FAXDC2: variants seen among roughly 807,000 people sequenced by gnomAD.
FAXDC2 encodes the protein fatty acid hydroxylase domain containing 2.
Under a neutral mutation model 40.9 loss-of-function variants are expected in FAXDC2, and 41 were observed. That is an observed-to-expected ratio of 1.00 (90% CI 0.78 to 1.30). The LOEUF (loss-of-function observed/expected upper bound fraction) is 1.30, where lower values mean the gene tolerates loss of function less well. Ranked by LOEUF, FAXDC2 falls within the 50% of genes most tolerant of loss-of-function variation. The pLI is 0.00. For missense variants in FAXDC2, 390 were observed against 408.8 expected (o/e 0.95, Z 0.40); for synonymous variants, 157 against 149.3 (o/e 1.05, Z -0.38).
At position 154,838,080 on chromosome 5, in the gene FAXDC2, G is replaced by A. The variant is rs1443384834; in HGVS notation, c.48+51C>T. The A allele has an allele frequency of 2.4e-6, 3 of 1,241,512 alleles. No homozygotes were observed. In the Admixed American group the frequency reaches 5.2e-5, roughly 22 times the overall value. 76.9% of individuals were successfully genotyped at this position (1,241,512 alleles called of 1,614,324 possible). On this transcript the variant is annotated intron_variant, in intron 2 of 8. Coordinates refer to ENST00000326080, the MANE Select transcript of FAXDC2 (RefSeq NM_032385.5). Reference sequence around the variant, plus strand: ...GCATAGCAAGTGCAGCTATGGCAAAGAGCCACTGACTACATTCTCACCAGT... The same window carrying A: ...GCATAGCAAGTGCAGCTATGGCAAAAAGCCACTGACTACATTCTCACCAGT...
At chr5:154,831,382 C>T (rs1467339340) in intron 4 of FAXDC2, 2 of 154,380 alleles carry the variant, frequency 1.3e-5, no homozygotes, top group Non-Finnish European at 2.9e-5. Flanking sequence ...ACTAACTGAG[C>T]AGCAGAACTT....
rs1277730015 is a variant in FAXDC2, at chr5:154,819,377, G to A, written c.*939C>T. The A allele has an allele frequency of 6.6e-6, 1 of 152,068 alleles. No individual in the cohort carries two copies. The highest frequency in any genetic ancestry group is 1.5e-5 in the Non-Finnish European group (1 of 68,008). 9.4% of individuals were successfully genotyped at this position (152,068 alleles called of 1,614,324 possible). A position where few individuals can be genotyped will look rare whatever the true frequency, so the allele number is the denominator to read the frequency against. ...GCTGAGAAACTGGTAAAGCATTCGG[G>A]GGAGAAAGGATTTTGCTCTTTGCTC... On this transcript the variant is annotated 3_prime_UTR_variant, in exon 9 of 9. Coordinates refer to ENST00000326080, the MANE Select transcript of FAXDC2 (RefSeq NM_032385.5).
At chr5:154,844,456 T>G (rs1381291630) in intron 1 of FAXDC2, among the ~76,000 whole-genome samples, 1 of 151,812 alleles carries the variant, frequency 6.6e-6, no homozygotes, top group Non-Finnish European at 1.5e-5. Flanking sequence ...CAGAAATAAG[T>G]GCACAGAAGT....
Position 154,821,401 on chromosome 5 carries a change from A to G in FAXDC2, c.704T>C (p.Val235Ala), listed in dbSNP as rs564950368. Residue 235 changes from valine (V) to alanine (A), a missense_variant, in exon 8 of 9, where the codon GTG becomes GCG. By Grantham distance (64) the Val-to-Ala change is moderately conservative. Coordinates refer to ENST00000326080, the MANE Select transcript of FAXDC2 (RefSeq NM_032385.5). Reference protein sequence around the residue: ...HAVSNMLPVIVGPLVMGSHLS... With the variant: ...HAVSNMLPVIAGPLVMGSHLS... ...GTGGGAGCCCATTACTAATGGGCCCACTATCACCGGTAGCATGTTGGAGAC... is the reference window on the plus strand; with the variant it reads ...GTGGGAGCCCATTACTAATGGGCCCGCTATCACCGGTAGCATGTTGGAGAC... 6.2e-7 allele frequency: 1 copy of G among 1,612,410 alleles called. No homozygotes were observed. Among genetic ancestry groups the G allele is most frequent in the African/African-American group, 1.3e-5 (1 of 74,908 alleles).
chr5:154,822,406 G>A, intron 7 of FAXDC2, 66 bp downstream of exon 7: 2 of 1,096,020 alleles, frequency 1.8e-6, no homozygotes, highest in South Asian at 1.3e-5. Context: ...TTCTCTGCAG[G>A]AGACCTTCAG....
intron 7 of FAXDC2, 49 bp downstream of exon 7, chr5:154,822,423 G>A (rs745533358): frequency 2.3e-5 from 31 of 1,337,738 alleles, no homozygotes; most frequent in Non-Finnish European, 1.1e-6. Context: ...TCAGGAAGGT[G>A]GTTGGGGCCA....
At chr5:154,835,883 C>CTTTTTTTTTTTTTTTTTTTTTTTT (rs869068025) in intron 2 of FAXDC2, among the ~76,000 whole-genome samples, 3 of 47,868 alleles carry the variant, frequency 6.3e-5, no homozygotes, top group African/African-American at 8.4e-5. Context: ...GCCCGGCCGA[C>CTTTTTTTTTTTTTTTTTTTTTTTT]TTTTTTTTTT....
At chr5:154,821,181 C>T (rs1300392178) in intron 8 of FAXDC2, 79 bp downstream of exon 8, 1 of 1,184,300 alleles carries the variant, frequency 8.4e-7, no homozygotes, top group Non-Finnish European at 1.2e-6. Flanking sequence ...ACTGAGATAC[C>T]AGTGCCTGCT....
At chr5:154,821,505 G>T in intron 7 of FAXDC2, 79 bp from the exon 8 acceptor site, 7 of 1,171,824 alleles carry the variant, frequency 6.0e-6, no homozygotes, top group Non-Finnish European at 8.2e-6. Flanking sequence ...GTCCCAAGGT[G>T]GTACCAGAGG....
chr5:154,841,903 T>G (rs1169359528), intron 1 of FAXDC2, among the ~76,000 whole-genome samples: 2 of 151,970 alleles, frequency 1.3e-5, no homozygotes, highest in African/African-American at 4.8e-5. Context: ...GCACAGCTAA[T>G]TTTTTTGTAT....
At chr5:154,825,768 A>G (rs948223185) in intron 5 of FAXDC2, among the ~76,000 whole-genome samples, 1 of 151,992 alleles carries the variant, frequency 6.6e-6, no homozygotes, top group African/African-American at 2.4e-5. Context: ...AATTTATTTC[A>G]GAAATAGAGT....
intron 1 of FAXDC2, among the ~76,000 whole-genome samples, chr5:154,848,539 G>A (rs964481497): frequency 1.3e-5 from 2 of 152,190 alleles, no homozygotes; most frequent in Non-Finnish European, 2.9e-5. Context: ...CTCCAGGGCT[G>A]AGGAGACTGA....
Position 154,823,425 on chromosome 5 carries a change from G to A in FAXDC2, c.534C>T (p.Phe178=), listed in dbSNP as rs1179916044. 6 of 1,614,082 alleles carry A rather than the reference G, an allele frequency of 3.7e-6. No individual in the cohort carries two copies. The South Asian group carries it at 6.6e-5, about 18-fold the overall frequency. ...FHWFLLELAI[F]TLIEEVLFYY... is the part of the protein sequence containing the mutation. ...AGAACAAGACTTCCTCGATCAGCGT[G>A]AAGATGGCCAGCTCCAGGAGGAACC... is the stretch of plus-strand genomic sequence containing the variant. The change falls in exon 6 of 9, where the codon TTC becomes TTT. Residue 178 remains phenylalanine (F), a synonymous_variant. Coordinates refer to ENST00000326080, the MANE Select transcript of FAXDC2 (RefSeq NM_032385.5).
intron 2 of FAXDC2, among the ~76,000 whole-genome samples, chr5:154,837,464 G>A (rs757618422): frequency 2.6e-5 from 4 of 151,988 alleles, no homozygotes; most frequent in African/African-American, 4.8e-5. Context: ...TTCAAAGGTC[G>A]CCCTGTGTTT....
intron 4 of FAXDC2, among the ~76,000 whole-genome samples, chr5:154,832,114 T>C (rs1760207135): frequency 6.6e-6 from 1 of 152,152 alleles, no homozygotes. Flanking sequence ...ATATAAACAG[T>C]GGTTATTTCT....
intron 1 of FAXDC2, chr5:154,838,754 C>G (rs181875294): frequency 6.5e-6 from 1 of 152,880 alleles, no homozygotes; most frequent in Non-Finnish European, 1.5e-5. Flanking sequence ...TCCACCACCA[C>G]GCCCGGCTAA....
At chr5:154,822,272 A>G (rs113450140) in intron 7 of FAXDC2, 200 bp downstream of exon 7, 8,587 of 559,460 alleles carry the variant, frequency 0.015, 100 homozygotes, top group Non-Finnish European at 0.021. Flanking sequence ...AGAAAAAAAG[A>G]AAGTTGTTGG....
At chr5:154,840,089 G>C (rs1760443314) in intron 1 of FAXDC2, among the ~76,000 whole-genome samples, 1 of 152,138 alleles carries the variant, frequency 6.6e-6, no homozygotes, top group African/African-American at 2.4e-5. Flanking sequence ...AGCAGAGCCA[G>C]GCTTAGGACC....
Position 154,820,080 on chromosome 5 carries a change from CTG to C in FAXDC2, c.*234_*235del, listed in dbSNP as rs1307570858. 22 of 429,926 alleles carry C rather than the reference CTG, an allele frequency of 5.1e-5. No individual in the cohort carries two copies. The highest frequency in any genetic ancestry group is 9.2e-5 in the Non-Finnish European group (21 of 227,696). 26.6% of individuals were successfully genotyped at this position (429,926 alleles called of 1,614,324 possible). A position where few individuals can be genotyped will look rare whatever the true frequency, so the allele number is the denominator to read the frequency against. The stretch of plus-strand genomic sequence containing the variant: ...TCTGACCAGCCTCCAGTCTGGGGAG[CTG>C]TGTTTTCCTTTTTCTTAAGCTAACT... On this transcript the variant is annotated 3_prime_UTR_variant, in exon 9 of 9. Transcript: ENST00000326080.
Sources: gnomAD v4.1 joint callset for allele counts (sites outside exome capture counted in the v4.1 genomes callset) on GRCh38, gnomAD v4.1.1 for gene constraint, MANE v1.5 for transcripts, NCBI Gene and HGNC (gene_info 2026-07-23, HGNC 2026-07-21) for gene names.